Variants in PARVB observed in about 807,000 individuals in gnomAD.
PARVB encodes parvin beta.
PARVB carries 46 observed loss-of-function variants against 47.0 expected under a neutral mutation model. That is an observed-to-expected ratio of 0.98 (90% confidence interval 0.77 to 1.25). The LOEUF is 1.25. Ranked by LOEUF, PARVB falls within the 50% of genes most tolerant of loss-of-function variation. The pLI, the probability that PARVB is intolerant of heterozygous loss-of-function variation, is 0.00. For synonymous variants in PARVB, 196 were observed against 196.3 expected (o/e 1.00, Z 0.01); for missense variants, 473 against 471.6 (o/e 1.00, Z -0.03).
chr22:44,136,324 G>A (rs2053440021), intron 6 of PARVB, 136 bp from the exon 7 acceptor site: 3 of 792,462 alleles, frequency 3.8e-6, no homozygotes, highest in Admixed American at 2.0e-5. Context: ...TGGCATGCGT[G>A]TTCAACACCA....
intron 1 of PARVB, among the ~76,000 whole-genome samples, chr22:44,071,561 C>T (rs1305749646): frequency 4.6e-5 from 7 of 152,130 alleles, no homozygotes; most frequent in Admixed American, 3.9e-4. Context: ...ACCCATCCTC[C>T]ACCCGCTGTG....
rs568812975 is a variant in PARVB at position 44,082,279 on chromosome 22, G to A, written c.113-11649G>A. On this transcript the variant is annotated intron_variant, in intron 1 of 12. Transcript: ENST00000338758. ...CGTGCCTGTAATCCCAGCACTTTGG[G>A]AGGCCGAGGCAGGTGGATCACTTGA... Among the ~76,000 whole-genome samples the A allele has an allele frequency of 1.7e-3, 261 of 152,312 alleles. 1 individual carries two copies. The highest frequency in any genetic ancestry group is 6.0e-3 in the African/African-American group (248 of 41,564).
Position 44,151,626 on chromosome 22 carries a change from G to A in PARVB, c.843+75G>A, listed in dbSNP as rs959075605. 6.3e-5 allele frequency: 75 copies of A among 1,184,404 alleles called. No homozygotes were observed. The African/African-American group carries it at 9.0e-4, about 14-fold the overall frequency. 73.4% of individuals were successfully genotyped at this position (1,184,404 alleles called of 1,614,324 possible). On this transcript the variant is annotated intron_variant, in intron 10 of 12. Coordinates refer to ENST00000338758, the MANE Select transcript of PARVB (RefSeq NM_013327.5). The stretch of plus-strand genomic sequence containing the variant: ...TCAGTGTTTTGATCCCAGGTGGGGC[G>A]CGTGAACAAAGCTGGCGCCATTTTG...
intron 2 of PARVB, among the ~76,000 whole-genome samples, chr22:44,012,220 C>G (rs6006476): frequency 6.6e-6 from 1 of 152,096 alleles, no homozygotes; most frequent in African/African-American, 2.4e-5. Flanking sequence ...GGGAACAAAA[C>G]GCATATGTGG....
In PARVB at chr22:44,125,932, G is replaced by A. The variant is rs2053175981; in HGVS notation, c.377-5555G>A. On this transcript the variant is annotated intron_variant, in intron 4 of 12. Coordinates refer to ENST00000338758, the MANE Select transcript of PARVB (RefSeq NM_013327.5). The surrounding 1 kb of genome is among the most constrained non-coding windows in gnomAD (Gnocchi z 4.1). ...GGAAGGGCAGACATGGGGAGGTACT[G>A]TACAGTTAAACTGCCATAGGAACCA... 6.6e-6 allele frequency among the ~76,000 whole-genome samples: 1 copy of A among 152,164 alleles called. No homozygotes were observed. The highest frequency in any genetic ancestry group is 2.1e-4 in the South Asian group (1 of 4,832).
chr22:44,122,588 G>C (rs12166730), intron 4 of PARVB, among the ~76,000 whole-genome samples: 14,531 of 121,812 alleles, frequency 0.12, 1,520 homozygotes, highest in Middle Eastern at 0.18. Context: ...GAGAGAGAGA[G>C]AGAGAGAGAG....
rs190109984 is a variant in PARVB, at chr22:44,000,264, G to A, written c.211+591G>A. On this transcript the variant is annotated intron_variant, in intron 2 of 13. Transcript: ENST00000406477. ...AGATTGATTGTTTTGCCTGTCTGAG[G>A]ACATTATGTACAAGGAGTTGAACAG... Among the ~76,000 whole-genome samples the A allele has an allele frequency of 2.6e-4, 39 of 152,352 alleles. No individual in the cohort carries two copies. In the East Asian group the frequency reaches 6.7e-3, roughly 26 times the overall value.
intron 1 of PARVB, among the ~76,000 whole-genome samples, chr22:44,028,573 TC>T (rs757770640): frequency 3.9e-4 from 60 of 152,344 alleles, no homozygotes; most frequent in Non-Finnish European, 7.6e-4. Flanking sequence ...CTTGGTTGCT[TC>T]CAAGTTTTGG....
At chr22:44,167,664 G>C (rs1181232562) in intron 12 of PARVB, among the ~76,000 whole-genome samples, 9 of 151,490 alleles carry the variant, frequency 5.9e-5, no homozygotes, top group Admixed American at 5.9e-4. Context: ...TTCAGGTCAG[G>C]GGGAGACCCT....
chr22:44,023,547 TAAAATAAAATAAAATAAAATAAAATAAAA>T (rs2050679230), upstream of PARVB, among the ~76,000 whole-genome samples: 1 of 99,540 alleles, frequency 1.0e-5, no homozygotes, highest in African/African-American at 5.1e-5. Flanking sequence ...CAAAATAAAA[TAAAATAAAATAAAATAAAATAAAATAAAA>T]TAAAATAAAA....
intron 4 of PARVB, among the ~76,000 whole-genome samples, chr22:44,121,924 A>G (rs992193572): frequency 1.3e-5 from 2 of 152,194 alleles, no homozygotes; most frequent in Non-Finnish European, 2.9e-5. Flanking sequence ...TCTATCAACT[A>G]CAAACATGCT....
intron 5 of PARVB, among the ~76,000 whole-genome samples, chr22:44,131,965 A>G (rs738484): frequency 0.29 from 43,582 of 152,060 alleles, 6,628 homozygotes; most frequent in Admixed American, 0.43. Context: ...AACCCCAAAT[A>G]CTGGTGGCAG....
At position 44,172,909 on chromosome 22, in the gene PARVB, G is replaced by A. The variant is rs191663351; in HGVS notation, c.*4231G>A. The A allele has an allele frequency of 6.1e-6, 7 of 1,150,796 alleles. No homozygotes were observed. The Admixed American group carries it at 1.4e-4, about 23-fold the overall frequency. 71.3% of individuals were successfully genotyped at this position (1,150,796 alleles called of 1,614,324 possible). On this transcript the variant is annotated 3_prime_UTR_variant, in exon 13 of 13. Coordinates refer to ENST00000338758, the MANE Select transcript of PARVB (RefSeq NM_013327.5). ...ATGCCACGTGGCGTCACAGTATGCT[G>A]TTATTTATTCCAATAAAGACCTCGT... is the stretch of plus-strand genomic sequence containing the variant.
At chr22:44,097,690 C>T (rs1157711832) in intron 2 of PARVB, among the ~76,000 whole-genome samples, 2 of 152,220 alleles carry the variant, frequency 1.3e-5, no homozygotes, top group Non-Finnish European at 2.9e-5. Context: ...GACATGGACA[C>T]ACTGCCACAC....
chr22:44,026,387 C>T (rs2050729566), intron 1 of PARVB: 3 of 983,274 alleles, frequency 3.1e-6, no homozygotes, highest in African/African-American at 1.7e-5. Flanking sequence ...GTGAGCTGGG[C>T]GCCCTGCCTC....
intron 1 of PARVB, among the ~76,000 whole-genome samples, chr22:44,036,974 GC>G (rs1235199697): frequency 6.6e-6 from 1 of 151,630 alleles, no homozygotes; most frequent in Non-Finnish European, 1.5e-5. Context: ...ACAGAGTGAG[GC>G]CCTGCATCAA....
At chr22:44,040,701 G>A (rs561139813) in intron 1 of PARVB, among the ~76,000 whole-genome samples, 5 of 152,244 alleles carry the variant, frequency 3.3e-5, no homozygotes, top group South Asian at 2.1e-4. Context: ...CCTGGCATCC[G>A]GAACCACAAG....
intron 1 of PARVB, chr22:44,069,151 C>T: frequency 6.2e-7 from 1 of 1,612,548 alleles, no homozygotes; most frequent in Non-Finnish European, 8.5e-7. Flanking sequence ...GCCAGCTGCA[C>T]CCTCCTCGCC....
chr22:44,138,590 G>A (rs1453531189), intron 7 of PARVB, among the ~76,000 whole-genome samples: 1 of 152,198 alleles, frequency 6.6e-6, no homozygotes, highest in Non-Finnish European at 1.5e-5. Context: ...CTGAAAACCA[G>A]CGGCCCAAAG....
Sources: gnomAD v4.1 joint callset for allele counts (sites outside exome capture counted in the v4.1 genomes callset) on GRCh38, gnomAD v4.1.1 for gene constraint, Gnocchi (gnomAD v3.1) non-coding constraint, MANE v1.5 for transcripts, NCBI Gene and HGNC (gene_info 2026-07-23, HGNC 2026-07-21) for gene names.